TENM1: variants seen among roughly 807,000 people sequenced by gnomAD.
The protein encoded by TENM1 is teneurin transmembrane protein 1.
TENM1 carries 35 observed loss-of-function variants against 174.8 expected under a neutral mutation model. The observed-to-expected ratio is 0.20, with a 90% CI of 0.15 to 0.27. TENM1 has a LOEUF of 0.27. Among genes scored for constraint, TENM1 ranks in the 10% least tolerant of loss-of-function variants. TENM1 has a pLI of 1.00. For synonymous variants in TENM1, 781 were observed against 798.7 expected (o/e 0.98, Z 0.37); for missense variants, 1,633 against 2,130.1 (o/e 0.77, Z 4.59).
intron 1 of TENM1, among the ~76,000 whole-genome samples, chrX:124,935,760 T>A (rs1046829205): frequency 8.9e-6 from 1 of 112,580 alleles, no homozygotes; most frequent in Non-Finnish European, 1.9e-5. Flanking sequence ...CTCATGAGTA[T>A]CTAAAAATGA....
chrX:125,173,648 C>T, the TENM1 span, among the ~76,000 whole-genome samples: 1 of 110,867 alleles, frequency 9.0e-6, no homozygotes, highest in Admixed American at 9.7e-5. Context: ...TCTTGTAGCT[C>T]ATGAAAGACA....
chrX:124,813,855 T>TA (rs1206704373), intron 3 of TENM1, among the ~76,000 whole-genome samples: 2 of 111,131 alleles, frequency 1.8e-5, no homozygotes, highest in African/African-American at 6.5e-5. Flanking sequence ...TTTTTTGACA[T>TA]AAAAAAGCAG....
the TENM1 span, among the ~76,000 whole-genome samples, chrX:125,029,313 A>G: frequency 3.3e-4 from 37 of 112,278 alleles, no homozygotes; most frequent in African/African-American, 1.2e-3. Context: ...CATCTCAACA[A>G]GAGCTGCCAA....
chrX:124,751,193 T>C (rs1279927398), intron 3 of TENM1, among the ~76,000 whole-genome samples: 1 of 111,593 alleles, frequency 9.0e-6, no homozygotes, highest in Non-Finnish European at 1.9e-5. Context: ...TTTAACCACA[T>C]TTACAAATGA....
chrX:124,792,539 C>A (rs1203869597), intron 3 of TENM1, among the ~76,000 whole-genome samples: 3 of 111,710 alleles, frequency 2.7e-5, no homozygotes, highest in Non-Finnish European at 5.6e-5. Flanking sequence ...CCATTTCTCA[C>A]CCAGAAAAAA....
At chrX:124,425,471 C>T (rs895148547) in intron 23 of TENM1, among the ~76,000 whole-genome samples, 1 of 111,605 alleles carries the variant, frequency 9.0e-6, no homozygotes, top group African/African-American at 3.3e-5. Flanking sequence ...CATGATGGGA[C>T]TGGTGGCTTT....
At chrX:125,154,354 T>G in the TENM1 span, among the ~76,000 whole-genome samples, 3 of 112,237 alleles carry the variant, frequency 2.7e-5, no homozygotes, top group African/African-American at 9.7e-5. Context: ...GAAAGTTTTC[T>G]GTTTGGCAAA....
chrX:124,452,625 G>A (rs2061052838), intron 23 of TENM1, among the ~76,000 whole-genome samples: 1 of 111,174 alleles, frequency 9.0e-6, no homozygotes, highest in Non-Finnish European at 1.9e-5. Context: ...CAACCCAAAT[G>A]TCCAACAATG....
intron 15 of TENM1, among the ~76,000 whole-genome samples, chrX:124,530,951 C>T (rs1292248209): frequency 9.0e-6 from 1 of 110,665 alleles, no homozygotes. Flanking sequence ...TGGGACAAAT[C>T]CCAAGCAAGG....
intron 23 of TENM1, among the ~76,000 whole-genome samples, chrX:124,423,417 G>T (rs2060677006): frequency 9.0e-6 from 1 of 111,465 alleles, no homozygotes; most frequent in Admixed American, 9.6e-5. Context: ...GCTAAGCTTT[G>T]GGGGCTCAAA....
intron 25 of TENM1, among the ~76,000 whole-genome samples, chrX:124,413,929 C>G (rs1322667659): frequency 8.9e-6 from 1 of 111,937 alleles, no homozygotes; most frequent in Non-Finnish European, 1.9e-5. Context: ...ATATCTCACC[C>G]AGAGACATGG....
intron 4 of TENM1, among the ~76,000 whole-genome samples, chrX:124,707,554 C>T (rs1239196776): frequency 9.0e-6 from 1 of 111,000 alleles, no homozygotes; most frequent in Non-Finnish European, 1.9e-5. Flanking sequence ...TAGGTTTCAC[C>T]TCGGACTTCA....
intron 23 of TENM1, among the ~76,000 whole-genome samples, chrX:124,449,525 T>C (rs1338387728): frequency 1.8e-5 from 2 of 112,407 alleles, no homozygotes; most frequent in Non-Finnish European, 3.8e-5. Flanking sequence ...GTTGACTGAT[T>C]GCAATACTAA....
chrX:124,873,969 T>C (rs2057154201), intron 3 of TENM1, among the ~76,000 whole-genome samples: 1 of 111,629 alleles, frequency 9.0e-6, no homozygotes, highest in Admixed American at 9.5e-5. Context: ...GGCTGCAGAG[T>C]ATTCCACTGC....
chrX:125,038,318 T>G, the TENM1 span, among the ~76,000 whole-genome samples: 2 of 110,572 alleles, frequency 1.8e-5, no homozygotes, highest in African/African-American at 6.6e-5. Context: ...ATCTGCTACT[T>G]TGAGTTCTGT....
At chrX:124,958,427 T>G (rs1190488356) in intron 1 of TENM1, among the ~76,000 whole-genome samples, 2 of 112,032 alleles carry the variant, frequency 1.8e-5, no homozygotes, top group Non-Finnish European at 3.8e-5. Context: ...GCATATCATC[T>G]GCCCTTTTCT....
chrX:124,984,177 T>A, the TENM1 span, among the ~76,000 whole-genome samples: 1 of 112,029 alleles, frequency 8.9e-6, no homozygotes, highest in East Asian at 2.8e-4. Flanking sequence ...GAATTATCAG[T>A]GGCTTCTTGT....
the TENM1 span, among the ~76,000 whole-genome samples, chrX:125,138,463 T>C: frequency 2.7e-5 from 3 of 111,717 alleles, no homozygotes; most frequent in Middle Eastern, 4.6e-3. Context: ...CCTCATTACG[T>C]TGCCCTCTCA....
At chrX:125,005,407 TTGTGTGTGTGTGTG>T in the TENM1 span, among the ~76,000 whole-genome samples, 6 of 89,488 alleles carry the variant, frequency 6.7e-5, no homozygotes, top group East Asian at 7.9e-4. Flanking sequence ...CCTGACTTGG[TTGTGTGTGTGTGTG>T]TGTGTGTGTG....
Sources: allele counts gnomAD v4.1 joint callset (sites outside exome capture counted in the v4.1 genomes callset), GRCh38; gene constraint gnomAD v4.1.1; transcripts MANE v1.5; gene names NCBI Gene and HGNC (gene_info 2026-07-23, HGNC 2026-07-21).